Variants in S100A13 observed in about 807,000 individuals in gnomAD.
S100A13 encodes the protein protein S100-A13.
A neutral mutation model predicts 8.2 loss-of-function variants in S100A13; 6 were observed. That is an observed-to-expected ratio of 0.73 (90% CI 0.40 to 1.44). The LOEUF is 1.44. S100A13 is among the 40% of genes most tolerant of loss of function. S100A13 has a pLI of 0.02. For synonymous variants in S100A13, 39 were observed against 45.9 expected (o/e 0.85, Z 0.61); for missense variants, 114 against 113.6 (o/e 1.00, Z -0.02).
upstream of S100A13, chr1:153,630,418 C>T: frequency 3.4e-6 from 5 of 1,469,254 alleles, no homozygotes; most frequent in Non-Finnish European, 3.7e-6. Context: ...TTTGAGCTGT[C>T]AGCCAGGGCC....
At chr1:153,621,216 G>A (rs189195058) in intron 2 of S100A13, among the ~76,000 whole-genome samples, 17 of 149,742 alleles carry the variant, frequency 1.1e-4, no homozygotes, top group African/African-American at 4.2e-4. Flanking sequence ...GCGTGCAGTA[G>A]TATGATCTCA....
chr1:153,619,862 CT>C (rs751895491), intron 2 of S100A13, among the ~76,000 whole-genome samples: 8 of 152,002 alleles, frequency 5.3e-5, no homozygotes, highest in Non-Finnish European at 1.0e-4. Flanking sequence ...CTAAAAAAGA[CT>C]TTTTTTTAAG....
chr1:153,624,809 T>A (rs1379515908), intron 2 of S100A13, among the ~76,000 whole-genome samples: 2 of 152,074 alleles, frequency 1.3e-5, no homozygotes, highest in South Asian at 2.1e-4. Flanking sequence ...GCGCGGTGGC[T>A]CACGCCTGTA....
At chr1:153,626,708 T>G in intron 1 of S100A13, 175 bp from the exon 2 acceptor site, 1 of 465,628 alleles carries the variant, frequency 2.1e-6, no homozygotes, top group East Asian at 3.3e-5. Flanking sequence ...CAACGGCATC[T>G]CAGTTTTGGT....
chr1:153,631,327 G>C (rs549386383), upstream of S100A13: 1 of 846,426 alleles, frequency 1.2e-6, no homozygotes, highest in Non-Finnish European at 1.8e-6. Context: ...GGGACTTTGG[G>C]CATATTTATT....
upstream of S100A13, chr1:153,630,501 G>A (rs1268350619): frequency 9.9e-6 from 16 of 1,613,238 alleles, no homozygotes; most frequent in Non-Finnish European, 1.4e-5. Context: ...CATGATGGGG[G>A]TGGGTAGGTG....
chr1:153,623,989 C>T (rs1003283181), intron 2 of S100A13, among the ~76,000 whole-genome samples: 1 of 151,936 alleles, frequency 6.6e-6, no homozygotes, highest in Admixed American at 6.6e-5. Flanking sequence ...AGCCTTAGAA[C>T]CTGAGGTGAG....
intron 2 of S100A13, among the ~76,000 whole-genome samples, chr1:153,623,876 G>A (rs1213017668): frequency 6.6e-6 from 1 of 152,212 alleles, no homozygotes; most frequent in Non-Finnish European, 1.5e-5. Context: ...GTGCAGAACA[G>A]TGGATTTAAC....
intron 1 of S100A13, 32 bp from the exon 2 acceptor site, chr1:153,626,565 G>T: frequency 7.5e-7 from 1 of 1,332,268 alleles, no homozygotes; most frequent in Non-Finnish European, 1.1e-6. Context: ...GAGAGGGAGA[G>T]TCAGGGAGCC....
intron 2 of S100A13, among the ~76,000 whole-genome samples, chr1:153,624,342 A>G (rs1315734322): frequency 1.3e-5 from 2 of 152,192 alleles, no homozygotes; most frequent in Non-Finnish European, 1.5e-5. Flanking sequence ...GCCACTGAGA[A>G]TAACAACAGA....
upstream of S100A13, chr1:153,631,278 G>C: frequency 1.6e-6 from 1 of 624,978 alleles, no homozygotes. Context: ...GGTTTTATTG[G>C]ACTGGGTTCA....
At chr1:153,628,110 TC>T (rs542300828), upstream of S100A13, 855 of 1,549,816 alleles carry the variant, frequency 5.5e-4, 3 homozygotes, top group African/African-American at 9.6e-3. Flanking sequence ...TCAGCAGAAT[TC>T]CCCCCTTACC....
upstream of S100A13, chr1:153,630,306 G>T (rs1409456924): frequency 1.6e-6 from 1 of 609,810 alleles, no homozygotes; most frequent in East Asian, 2.9e-5. Context: ...ACAGACTGAG[G>T]GACACAGAGA....
upstream of S100A13, chr1:153,628,038 A>T: frequency 6.5e-7 from 1 of 1,550,174 alleles, no homozygotes; most frequent in Non-Finnish European, 8.7e-7. Context: ...TCCCAAGACT[A>T]AGTTTCTCAC....
At chr1:153,628,496 C>T (rs1407278137), upstream of S100A13, 43 of 1,550,606 alleles carry the variant, frequency 2.8e-5, no homozygotes, top group African/African-American at 3.6e-4. Flanking sequence ...CCAGGCCAAC[C>T]GTGAGTACCC....
At chr1:153,631,948 G>A, upstream of S100A13, 8 of 1,199,004 alleles carry the variant, frequency 6.7e-6, no homozygotes, top group Non-Finnish European at 8.7e-6. Context: ...CCCCACCCTT[G>A]CCCACCCCAC....
At chr1:153,627,895 G>A, upstream of S100A13, 1 of 820,758 alleles carries the variant, frequency 1.2e-6, no homozygotes, top group Non-Finnish European at 1.9e-6. Flanking sequence ...CTTGGAATGA[G>A]ATCCCACAAA....
Position 153,618,999 on chromosome 1 carries a change from C to T in S100A13, c.193G>A (p.Val65Met). Residue 65 changes from valine to methionine, a missense_variant, in exon 3 of 3, where the codon GTG becomes ATG. Physicochemically the swap from Val to Met is conservative, Grantham distance 21. Transcript: ENST00000476133. ...SLDEKMKSLD[V>M]NQDSELKFNE... ...AACTTGAGCTCCGAGTCCTGATTCA[C>T]ATCCAAGCTCTTCATCTTCTCATCA... is the stretch of plus-strand genomic sequence containing the variant. 2.5e-6 allele frequency: 4 copies of T among 1,613,958 alleles called. No homozygotes were observed. The highest frequency in any genetic ancestry group is 3.4e-6 in the Non-Finnish European group (4 of 1,179,872).
upstream of S100A13, chr1:153,630,210 C>A (rs1044937715): frequency 4.4e-6 from 2 of 457,884 alleles, no homozygotes; most frequent in Non-Finnish European, 7.7e-6. Flanking sequence ...GCAGCCACTG[C>A]AGACATCTAC....
Sources: allele counts gnomAD v4.1 joint callset (sites outside exome capture counted in the v4.1 genomes callset), GRCh38; gene constraint gnomAD v4.1.1; transcripts MANE v1.5; gene names NCBI Gene and HGNC (gene_info 2026-07-23, HGNC 2026-07-21).